The following NLRC5 variants were observed in gnomAD, a reference collection of about 807,000 sequenced individuals.
The protein encoded by NLRC5 is protein NLRC5.
Under a neutral mutation model 206.9 loss-of-function variants are expected in NLRC5, and 114 were observed. The ratio of observed to expected loss-of-function variants is 0.55; its 90% confidence interval spans 0.47 to 0.64. The LOEUF (loss-of-function observed/expected upper bound fraction) is 0.64. Ranked by LOEUF, NLRC5 falls within the 30% of genes least tolerant of loss-of-function variation. The pLI, the probability that NLRC5 is intolerant of heterozygous loss-of-function variation, is 0.00. For missense variants in NLRC5, 2,008 were observed against 2,305.5 expected, an observed-to-expected ratio of 0.87 and a Z score of 2.64; for synonymous variants, 952 against 962.8, an observed-to-expected ratio of 0.99 and a Z score of 0.21.
At chr16:57,063,003 A>G (rs1340378000) in intron 32 of NLRC5, among the ~76,000 whole-genome samples, 1 of 144,654 alleles carries the variant, frequency 6.9e-6, no homozygotes, top group Non-Finnish European at 1.5e-5. Context: ...AGTCATTTGT[A>G]TTTGTCTGTA....
intron 32 of NLRC5, 142 bp downstream of exon 32, chr16:57,061,843 C>G: frequency 1.3e-6 from 2 of 1,535,250 alleles, no homozygotes. Flanking sequence ...TGAGCAAACC[C>G]TGTCCATCTG....
chr16:57,062,914 C>A (rs1034267881), intron 32 of NLRC5, among the ~76,000 whole-genome samples: 1 of 152,064 alleles, frequency 6.6e-6, no homozygotes, highest in Admixed American at 6.6e-5. Flanking sequence ...CCATTTCCCC[C>A]CTACCCCAGC....
chr16:57,012,487 G>A (rs1050542418), intron 1 of NLRC5, among the ~76,000 whole-genome samples: 5 of 152,172 alleles, frequency 3.3e-5, no homozygotes, highest in East Asian at 1.9e-4. Flanking sequence ...GAACTGGGCC[G>A]CACAGCAGGT....
At chr16:57,030,533 T>C (rs1168632357) in intron 10 of NLRC5, among the ~76,000 whole-genome samples, 1 of 151,180 alleles carries the variant, frequency 6.6e-6, no homozygotes, top group Non-Finnish European at 1.5e-5. Flanking sequence ...GATGGGTGGA[T>C]GAAAAGATGA....
At chr16:56,991,531 G>A (rs1247182060) in intron 1 of NLRC5, among the ~76,000 whole-genome samples, 2 of 151,740 alleles carry the variant, frequency 1.3e-5, no homozygotes, top group African/African-American at 2.4e-5. Flanking sequence ...ATAGGCGCCC[G>A]CCGCTACACC....
At chr16:57,042,104 AG>A (rs759400427) in intron 19 of NLRC5, 39 bp downstream of exon 19, 129 of 1,333,780 alleles carry the variant, frequency 9.7e-5, no homozygotes, top group South Asian at 1.4e-4. Flanking sequence ...AGGCTGGGGC[AG>A]GGGGGGAGCA....
At position 57,001,337 on chromosome 16, in the gene NLRC5, G is replaced by T. The variant is rs530965181; in HGVS notation, c.-128+11720G>T. ...CCACAAACTGCATCCTTTCTGATCT[G>T]CACAGATGAGAAAACTGAGGTCTTG... is the stretch of plus-strand genomic sequence containing the variant. On this transcript the variant is annotated intron_variant, in intron 1 of 48. Transcript: ENST00000688547. 1.1e-3 allele frequency among the ~76,000 whole-genome samples: 167 copies of T among 152,310 alleles called. 1 individual carries two copies. Among genetic ancestry groups the T allele is most frequent in the African/African-American group, 3.9e-3 (161 of 41,562 alleles).
rs763773195 is a variant in NLRC5 at position 57,043,598 on chromosome 16, A to G, written c.3197A>G (p.Asp1066Gly). Reference protein sequence around the residue: ...FSTLQWLFRLDISFESQHILL... With the variant: ...FSTLQWLFRLGISFESQHILL... ...ACTCTGCAGTGGCTCTTCCGCTTGG[A>G]CATCAGGTGAGCGTGCCTCTCCGCC... is the stretch of plus-strand genomic sequence containing the variant. Residue 1066 changes from aspartate (D) to glycine (G), a missense_variant, in exon 20 of 49, where the codon GAC (aspartate) becomes GGC (glycine). Asp to Gly is a moderately conservative substitution (Grantham distance 94). Transcript: ENST00000688547. The G allele has an allele frequency of 1.2e-6, 2 of 1,613,544 alleles. No homozygotes were observed. Among genetic ancestry groups the G allele is most frequent in the East Asian group, 4.5e-5 (2 of 44,856 alleles).
chr16:57,078,200 C>T (rs934531369), intron 43 of NLRC5, among the ~76,000 whole-genome samples, 180 bp downstream of exon 43: 1 of 152,206 alleles, frequency 6.6e-6, no homozygotes, highest in Non-Finnish European at 1.5e-5. Context: ...AATCAGGAGG[C>T]CCAGCCTAGT....
At chr16:57,017,996 G>C (rs1395447053) in intron 2 of NLRC5, among the ~76,000 whole-genome samples, 2 of 152,198 alleles carry the variant, frequency 1.3e-5, no homozygotes, top group Non-Finnish European at 2.9e-5. Flanking sequence ...AGGATGGTTA[G>C]CCTTAAAGAG....
At position 57,054,820 on chromosome 16, in the gene NLRC5, G is replaced by A; in HGVS notation, c.3576G>A (p.Arg1192=). ...CCAACACCTTAAGCCTGTGTCCACG[G>A]GTTAAAAAGGTGGATCTCAGGTGGG... ...LLANTLSLCP[R]VKKVDLRSLH... Residue 1192 remains arginine, a synonymous_variant, in exon 25 of 49, where the codon CGG becomes CGA. Transcript: ENST00000688547. 6.2e-7 allele frequency: 1 copy of A among 1,614,208 alleles called. No homozygotes were observed. The highest frequency in any genetic ancestry group is 8.5e-7 in the Non-Finnish European group (1 of 1,180,020).
intron 1 of NLRC5, among the ~76,000 whole-genome samples, chr16:57,012,694 C>A (rs1417641036): frequency 6.6e-6 from 1 of 152,198 alleles, no homozygotes; most frequent in Non-Finnish European, 1.5e-5. Context: ...CCAACCCCAA[C>A]CCCCGTCCGG....
intron 1 of NLRC5, among the ~76,000 whole-genome samples, chr16:56,991,680 T>A (rs2056891547): frequency 4.2e-5 from 1 of 23,724 alleles, no homozygotes; most frequent in Non-Finnish European, 9.0e-5. Context: ...CCGGACTCCT[T>A]TTTTTTTTTT....
chr16:57,051,489 G>A, intron 23 of NLRC5, 49 bp from the exon 24 acceptor site: 1 of 1,418,228 alleles, frequency 7.1e-7, no homozygotes. Flanking sequence ...CGTGCTCCCT[G>A]CTTTCCTGGA....
intron 11 of NLRC5, among the ~76,000 whole-genome samples, chr16:57,033,013 G>A (rs181612057): frequency 1.3e-5 from 2 of 151,796 alleles, no homozygotes; most frequent in Admixed American, 1.3e-4. Context: ...AAAAAAAATG[G>A]TTAGCACCAA....
At chr16:57,042,741 G>T (rs1597323722) in intron 19 of NLRC5, among the ~76,000 whole-genome samples, 1 of 152,304 alleles carries the variant, frequency 6.6e-6, no homozygotes, top group East Asian at 1.9e-4. Flanking sequence ...CCCTCTCCGA[G>T]TCCCTGGTTC....
intron 17 of NLRC5, 82 bp downstream of exon 17, chr16:57,040,800 C>T: frequency 7.4e-7 from 1 of 1,351,622 alleles, no homozygotes; most frequent in East Asian, 2.3e-5. Context: ...AACCTGTGCC[C>T]AGGCCCCACA....
At chr16:57,027,054 G>A in intron 6 of NLRC5, 36 bp downstream of exon 6, 1 of 1,587,184 alleles carries the variant, frequency 6.3e-7, no homozygotes, top group Non-Finnish European at 8.6e-7. Context: ...GGAGGGGATT[G>A]GGCTTTTGGG....
chr16:57,010,063 A>G (rs1199868138), intron 1 of NLRC5, among the ~76,000 whole-genome samples: 17 of 152,204 alleles, frequency 1.1e-4, no homozygotes, highest in Admixed American at 9.8e-4. Flanking sequence ...TTTGGGCTTG[A>G]GCTCAAGGAA....
Sources: allele counts gnomAD v4.1 joint callset (sites outside exome capture counted in the v4.1 genomes callset), GRCh38; gene constraint gnomAD v4.1.1; transcripts MANE v1.5; gene names NCBI Gene and HGNC (gene_info 2026-07-23, HGNC 2026-07-21).